The following SNORD118 variants were observed in gnomAD, a reference collection of about 807,000 sequenced individuals.
SNORD118 encodes the protein small nucleolar RNA, C/D box 118.
chr17:8,173,523 T>TA (rs780946342), exon 1 of SNORD118: 4 of 765,376 alleles, frequency 5.2e-6, no homozygotes, highest in South Asian at 1.3e-5. Context: ...TTCATGCATC[T>TA]CCAATCATCA....
Position 8,173,547 on chromosome 17 carries a change from C to T in SNORD118, n.41G>A, listed in dbSNP as rs148909909. ...CTCCAATCATCATGTTCTAATCTGC[C>T]CTCCGGAGGAGGAACAGGTAAGGAT... On this transcript the variant is annotated non_coding_transcript_exon_variant, in exon 1 of 1. Transcript: ENST00000363593. The T allele has an allele frequency of 1.0e-3, 762 of 765,328 alleles. 1 individual carries two copies. Among genetic ancestry groups the T allele is most frequent in the African/African-American group, 3.0e-3 (178 of 59,182 alleles). 47.4% of individuals were successfully genotyped at this position (765,328 alleles called of 1,614,324 possible). A position where few individuals can be genotyped will look rare whatever the true frequency, so the allele number is the denominator to read the frequency against.
chr17:8,173,539 T>TC (rs763286690), exon 1 of SNORD118: 1 of 765,462 alleles, frequency 1.3e-6, no homozygotes, highest in Non-Finnish European at 2.4e-6. Flanking sequence ...CATCATGTTC[T>TC]AATCTGCCCT....
chr17:8,173,548 C>CT, exon 1 of SNORD118: 1 of 765,368 alleles, frequency 1.3e-6, no homozygotes, highest in Non-Finnish European at 2.4e-6. Flanking sequence ...CTAATCTGCC[C>CT]TCCGGAGGAG....
chr17:8,173,510 C>G (rs776333257), exon 1 of SNORD118: 6 of 765,182 alleles, frequency 7.8e-6, no homozygotes, highest in South Asian at 1.3e-5. Context: ...ACGTTAATCA[C>G]GTTTCATGCA....
At position 8,173,502 on chromosome 17, in the gene SNORD118, G is replaced by A. The variant is rs201017034; in HGVS notation, n.86C>T. ...TTGCAAGTCCTGATTACGCAGAGACGTTAATCACGTTTCATGCATCTCCAA... is the reference window on the plus strand; with the variant it reads ...TTGCAAGTCCTGATTACGCAGAGACATTAATCACGTTTCATGCATCTCCAA... On this transcript the variant is annotated non_coding_transcript_exon_variant, in exon 1 of 1. Coordinates refer to ENST00000363593, the Ensembl canonical transcript of SNORD118. 6.7e-4 allele frequency: 514 copies of A among 765,238 alleles called. No individual in the cohort carries two copies. The highest frequency in any genetic ancestry group is 1.1e-3 in the Admixed American group (66 of 59,016). The allele number at this position is 765,238 out of a possible 1,614,324, so 47.4% of individuals were successfully genotyped here. A position where few individuals can be genotyped will look rare whatever the true frequency, so the allele number is the denominator to read the frequency against.
At position 8,173,493 on chromosome 17, in the gene SNORD118, C is replaced by T. The variant is rs374602860; in HGVS notation, n.95G>A. On this transcript the variant is annotated non_coding_transcript_exon_variant, in exon 1 of 1. Coordinates refer to ENST00000363593, the Ensembl canonical transcript of SNORD118. ...ATCAGGGTGTTGCAAGTCCTGATTA[C>T]GCAGAGACGTTAATCACGTTTCATG... The T allele has an allele frequency of 1.6e-4, 119 of 765,086 alleles. No homozygotes were observed. Among genetic ancestry groups the T allele is most frequent in the East Asian group, 2.4e-4 (10 of 41,240 alleles). The allele number at this position is 765,086 out of a possible 1,614,324, so 47.4% of individuals were successfully genotyped here. A position where few individuals can be genotyped will look rare whatever the true frequency, so the allele number is the denominator to read the frequency against.
Position 8,173,497 on chromosome 17 carries a change from G to C in SNORD118, n.91C>G, listed in dbSNP as rs74861860. ...GGGTGTTGCAAGTCCTGATTACGCAGAGACGTTAATCACGTTTCATGCATC... is the reference window on the plus strand; with the variant it reads ...GGGTGTTGCAAGTCCTGATTACGCACAGACGTTAATCACGTTTCATGCATC... On this transcript the variant is annotated non_coding_transcript_exon_variant, in exon 1 of 1. Coordinates refer to ENST00000363593, the Ensembl canonical transcript of SNORD118. 151 of 765,266 alleles carry C rather than the reference G, an allele frequency of 2.0e-4. No individual in the cohort carries two copies. Among genetic ancestry groups the C allele is most frequent in the Admixed American group, 1.1e-3 (62 of 59,022 alleles). The allele number at this position is 765,266 out of a possible 1,614,324, so 47.4% of individuals were successfully genotyped here.
exon 1 of SNORD118, chr17:8,173,525 C>A: frequency 1.3e-6 from 1 of 765,360 alleles, no homozygotes; most frequent in South Asian, 1.3e-5. Context: ...CATGCATCTC[C>A]AATCATCATG....
exon 1 of SNORD118, chr17:8,173,503 T>TAA: frequency 1.3e-6 from 1 of 765,254 alleles, no homozygotes; most frequent in Non-Finnish European, 2.4e-6. Flanking sequence ...CGCAGAGACG[T>TAA]TAATCACGTT....
chr17:8,173,563 A>T (rs754886900), exon 1 of SNORD118: 9 of 765,332 alleles, frequency 1.2e-5, no homozygotes, highest in Non-Finnish European at 1.9e-5. Context: ...GAGGAGGAAC[A>T]GGTAAGGATT....
rs200458465 is a variant in SNORD118, at chr17:8,173,550, C to G, written n.38G>C. Reference sequence around the variant, plus strand: ...CAATCATCATGTTCTAATCTGCCCTCCGGAGGAGGAACAGGTAAGGATTAT... The same window carrying G: ...CAATCATCATGTTCTAATCTGCCCTGCGGAGGAGGAACAGGTAAGGATTAT... On this transcript the variant is annotated non_coding_transcript_exon_variant, in exon 1 of 1. Transcript: ENST00000363593. 238 of 765,240 alleles carry G rather than the reference C, an allele frequency of 3.1e-4. 5 individuals are homozygous for G. In the East Asian group the frequency reaches 3.6e-3, roughly 12 times the overall value. 47.4% of individuals were successfully genotyped at this position (765,240 alleles called of 1,614,324 possible). A position where few individuals can be genotyped will look rare whatever the true frequency, so the allele number is the denominator to read the frequency against.
At chr17:8,173,504 T>C (rs375321751) in exon 1 of SNORD118, 44 of 765,308 alleles carry the variant, frequency 5.7e-5, no homozygotes, top group Middle Eastern at 4.6e-4. Context: ...GCAGAGACGT[T>C]AATCACGTTT....
chr17:8,173,564 G>A lies in SNORD118; in HGVS notation n.24C>T, dbSNP rs12940891. 4,085 of 765,206 alleles carry A rather than the reference G, an allele frequency of 5.3e-3. 29 individuals carry two copies. The highest frequency in any genetic ancestry group is 5.7e-3 in the Non-Finnish European group (2,399 of 417,928). 47.4% of individuals were successfully genotyped at this position (765,206 alleles called of 1,614,324 possible). A position where few individuals can be genotyped will look rare whatever the true frequency, so the allele number is the denominator to read the frequency against. On this transcript the variant is annotated non_coding_transcript_exon_variant, in exon 1 of 1. Transcript: ENST00000363593. ...TAATCTGCCCTCCGGAGGAGGAACAGGTAAGGATTATCCCACCTGACGATA... is the reference window on the plus strand; with the variant it reads ...TAATCTGCCCTCCGGAGGAGGAACAAGTAAGGATTATCCCACCTGACGATA...
chr17:8,173,535 G>C (rs73245429), exon 1 of SNORD118: 4 of 765,404 alleles, frequency 5.2e-6, no homozygotes, highest in Admixed American at 1.7e-5. Flanking sequence ...CAATCATCAT[G>C]TTCTAATCTG....
rs9893248 is a variant in SNORD118 at position 8,173,499 on chromosome 17, G to C, written n.89C>G. On this transcript the variant is annotated non_coding_transcript_exon_variant, in exon 1 of 1. Coordinates refer to ENST00000363593, the Ensembl canonical transcript of SNORD118. ...GTGTTGCAAGTCCTGATTACGCAGA[G>C]ACGTTAATCACGTTTCATGCATCTC... 82 of 765,246 alleles carry C rather than the reference G, an allele frequency of 1.1e-4. No individual in the cohort carries two copies. Among genetic ancestry groups the C allele is most frequent in the Non-Finnish European group, 1.4e-4 (59 of 418,020 alleles). 47.4% of individuals were successfully genotyped at this position (765,246 alleles called of 1,614,324 possible).
exon 1 of SNORD118, chr17:8,173,490 T>G: frequency 1.3e-6 from 1 of 765,106 alleles, no homozygotes; most frequent in Non-Finnish European, 2.4e-6. Context: ...CAAGTCCTGA[T>G]TACGCAGAGA....
Position 8,173,530 on chromosome 17 carries a change from A to C in SNORD118, n.58T>G, listed in dbSNP as rs752108301. The C allele has an allele frequency of 3.9e-6, 3 of 765,336 alleles. No homozygotes were observed. The highest frequency in any genetic ancestry group is 7.2e-6 in the Non-Finnish European group (3 of 418,036). 47.4% of individuals were successfully genotyped at this position (765,336 alleles called of 1,614,324 possible). ...AATCACGTTTCATGCATCTCCAATC[A>C]TCATGTTCTAATCTGCCCTCCGGAG... On this transcript the variant is annotated non_coding_transcript_exon_variant, in exon 1 of 1. Coordinates refer to ENST00000363593, the Ensembl canonical transcript of SNORD118.
exon 1 of SNORD118, chr17:8,173,520 A>AT (rs1304365815): frequency 1.3e-6 from 1 of 765,294 alleles, no homozygotes; most frequent in African/African-American, 1.7e-5. Flanking sequence ...CGTTTCATGC[A>AT]TCTCCAATCA....
rs117735243 is a variant in SNORD118 at position 8,173,586 on chromosome 17, G to A, written n.2C>T. On this transcript the variant is annotated non_coding_transcript_exon_variant, in exon 1 of 1. Coordinates refer to ENST00000363593, the Ensembl canonical transcript of SNORD118. ...ACAGGTAAGGATTATCCCACCTGAC[G>A]ATACAGACAAACAGCCGACATTCTG... The A allele has an allele frequency of 1.4e-3, 1,034 of 764,050 alleles. 4 individuals are homozygous for A. The highest frequency in any genetic ancestry group is 2.5e-3 in the East Asian group (105 of 41,218). 47.3% of individuals were successfully genotyped at this position (764,050 alleles called of 1,614,324 possible).
Sources: allele counts gnomAD v4.1 joint callset, GRCh38; gene constraint gnomAD v4.1.1; transcripts MANE v1.5; gene names NCBI Gene and HGNC (gene_info 2026-07-23, HGNC 2026-07-21).